Variants in CCDC141 observed in about 807,000 individuals in gnomAD.
CCDC141 encodes coiled-coil domain containing 141.
Under a neutral mutation model 181.0 loss-of-function variants are expected in CCDC141, and 168 were observed. The ratio of observed to expected loss-of-function variants is 0.93; its 90% CI spans 0.82 to 1.05. CCDC141 has a LOEUF of 1.05. CCDC141 is among the 50% of genes least tolerant of loss of function. The pLI, the probability that CCDC141 is intolerant of heterozygous loss-of-function variation, is 0.00. For missense variants in CCDC141, 1,902 were observed against 1,788.5 expected (o/e 1.06, Z -1.14); for synonymous variants, 666 against 642.3 (o/e 1.04, Z -0.56).
At chr2:179,005,318 A>AG (rs2042092597) in intron 2 of CCDC141, among the ~76,000 whole-genome samples, 1 of 151,886 alleles carries the variant, frequency 6.6e-6, no homozygotes, top group East Asian at 1.9e-4. Context: ...AGAATTTAAA[A>AG]AAAAAGGTTT....
chr2:178,989,042 A>T (rs1691898964), intron 2 of CCDC141, among the ~76,000 whole-genome samples: 1 of 152,204 alleles, frequency 6.6e-6, no homozygotes, highest in Non-Finnish European at 1.5e-5. Context: ...CTAAAACTAT[A>T]AAATTTTTAG....
intron 4 of CCDC141, among the ~76,000 whole-genome samples, chr2:178,970,720 C>T (rs1157852275): frequency 6.6e-6 from 1 of 152,184 alleles, no homozygotes; most frequent in Non-Finnish European, 1.5e-5. Context: ...GAAAAGACTT[C>T]ATGTCTAAAA....
chr2:178,861,116 T>A lies in CCDC141; in HGVS notation c.2724+4651A>T, dbSNP rs981328643. On this transcript the variant is annotated intron_variant, in intron 17 of 23. Transcript: ENST00000443758. ...TAGAGGAATGGCTGTGACTGTGAAG[T>A]CCCATGGGTTTTAATGCTATCTAGA... Among the ~76,000 whole-genome samples the A allele has an allele frequency of 2.0e-5, 3 of 151,972 alleles. No individual in the cohort carries two copies. The South Asian group carries it at 6.2e-4, about 32-fold the overall frequency.
chr2:178,850,632 A>G (rs1298616718), intron 20 of CCDC141, among the ~76,000 whole-genome samples: 1 of 151,736 alleles, frequency 6.6e-6, no homozygotes, highest in African/African-American at 2.4e-5. Context: ...GCAGCTGAGT[A>G]TTCCTTCCTC....
At chr2:178,989,572 T>G in intron 2 of CCDC141, among the ~76,000 whole-genome samples, 1 of 146,634 alleles carries the variant, frequency 6.8e-6, no homozygotes, top group African/African-American at 2.6e-5. Flanking sequence ...CCAGCCTGGG[T>G]GAGAGAGCAA....
rs1229495014 is a variant in CCDC141 at position 178,868,080 on chromosome 2, G to A, written c.2520C>T (p.Leu840=). The change falls in exon 16 of 24, where the codon CTC becomes CTT. Residue 840 remains leucine, a synonymous_variant. Transcript: ENST00000443758. ...SQEKQARVDH[L]HRLALSLGVD... ...CTCCTAAGGAAAGGGCCAGTCTGTG[G>A]AGATGGTCTACACGGGCTTGCTTTT... is the stretch of plus-strand genomic sequence containing the variant. 1 of 1,613,896 alleles carries A rather than the reference G, an allele frequency of 6.2e-7. No individual in the cohort carries two copies. Among genetic ancestry groups the A allele is most frequent in the African/African-American group, 1.3e-5 (1 of 74,904 alleles).
chr2:178,902,756 G>A (rs1426313136), intron 8 of CCDC141, among the ~76,000 whole-genome samples: 7 of 149,986 alleles, frequency 4.7e-5, no homozygotes, highest in Non-Finnish European at 1.0e-4. Flanking sequence ...ATTGACAAAT[G>A]GGATCTAATT....
At position 178,961,353 on chromosome 2, in the gene CCDC141, C is replaced by G; in HGVS notation, c.657G>C (p.Lys219Asn). 1 of 1,550,598 alleles carries G rather than the reference C, an allele frequency of 6.4e-7. No homozygotes were observed. Among genetic ancestry groups the G allele is most frequent in the Non-Finnish European group, 8.7e-7 (1 of 1,146,972 alleles). The change falls in exon 5 of 24, where the codon AAG becomes AAC. Residue 219 changes from lysine to asparagine, a missense_variant. Coordinates refer to ENST00000443758, the MANE Select transcript of CCDC141 (RefSeq NM_173648.4). ...LTQGAHSSCL[K>N]VDRLLELLQD... The stretch of plus-strand genomic sequence containing the variant: ...GTAGAAGTTCAAGAAGGCGGTCAAC[C>G]TTCAGACAGCTGCTATGAGCTCCCT...
At chr2:178,929,936 A>G (rs1689037243) in intron 6 of CCDC141, among the ~76,000 whole-genome samples, 1 of 152,148 alleles carries the variant, frequency 6.6e-6, no homozygotes, top group South Asian at 2.1e-4. Flanking sequence ...GTAGTTTGAG[A>G]AGCTCTGGTC....
intron 7 of CCDC141, among the ~76,000 whole-genome samples, chr2:178,917,209 T>C (rs1407567263): frequency 6.6e-6 from 1 of 152,224 alleles, no homozygotes; most frequent in African/African-American, 2.4e-5. Flanking sequence ...AGAATGAATA[T>C]GCAGTTTAAA....
rs777302023 is a variant in CCDC141, at chr2:178,836,955, C to T, written c.4264G>A (p.Glu1422Lys). The change falls in exon 23 of 24, where the codon GAA becomes AAA. Residue 1422 changes from glutamate to lysine, a missense_variant. By Grantham distance (56) the Glu-to-Lys change is moderately conservative (BLOSUM62 1). Coordinates refer to ENST00000443758, the MANE Select transcript of CCDC141 (RefSeq NM_173648.4). ...SRLLSNVTVM[E>K]GSPVTLEVEV... is the part of the protein sequence containing the mutation. ...ACTTCCAAAGTCACTGGAGAACCTTCCATGACAGTTACATTAGACAGGAGC... is the reference window on the plus strand; with the variant it reads ...ACTTCCAAAGTCACTGGAGAACCTTTCATGACAGTTACATTAGACAGGAGC... The T allele has an allele frequency of 6.2e-6, 10 of 1,613,864 alleles. No individual in the cohort carries two copies. The South Asian group carries it at 6.6e-5, about 11-fold the overall frequency.
rs569297287 is a variant in CCDC141 at position 178,913,683 on chromosome 2, GAA to G, written c.1092+5028_1092+5029del. Reference sequence around the variant, plus strand: ...CATTAATGTTTCAATAGCTATGGCAGAAACAACGGAAGCTATGACAATTGTTA... The same window carrying G: ...CATTAATGTTTCAATAGCTATGGCAGACAACGGAAGCTATGACAATTGTTA... On this transcript the variant is annotated intron_variant, in intron 7 of 23. Coordinates refer to ENST00000443758, the MANE Select transcript of CCDC141 (RefSeq NM_173648.4). Among the ~76,000 whole-genome samples the G allele has an allele frequency of 6.6e-5, 10 of 152,292 alleles. No homozygotes were observed. In the East Asian group the frequency reaches 1.9e-3, roughly 29 times the overall value.
intron 2 of CCDC141, among the ~76,000 whole-genome samples, chr2:179,045,882 G>A (rs144292074): frequency 6.7e-6 from 1 of 149,948 alleles, no homozygotes; most frequent in African/African-American, 2.5e-5. Flanking sequence ...CTTCTGCCTT[G>A]CAAGACAACC....
intron 20 of CCDC141, among the ~76,000 whole-genome samples, chr2:178,850,707 C>A (rs761775266): frequency 6.6e-6 from 1 of 152,232 alleles, no homozygotes; most frequent in Non-Finnish European, 1.5e-5. Context: ...TCTTTAAGGT[C>A]CACCTGAAAT....
chr2:178,963,175 G>A lies in CCDC141; in HGVS notation c.527-1692C>T, dbSNP rs977075783. Among the ~76,000 whole-genome samples the A allele has an allele frequency of 2.0e-5, 3 of 152,148 alleles. No homozygotes were observed. In the South Asian group the frequency reaches 6.2e-4, roughly 31 times the overall value. On this transcript the variant is annotated intron_variant, in intron 4 of 23. Coordinates refer to ENST00000443758, the MANE Select transcript of CCDC141 (RefSeq NM_173648.4). ...GAAATTGGGGGAGCTACAAATGTTA[G>A]AGATCAGAAGTTCCCCAGAGATGTA...
chr2:178,837,530 G>C lies in CCDC141; in HGVS notation c.3689C>G (p.Ser1230Cys), dbSNP rs1164133499. 6.2e-7 allele frequency: 1 copy of C among 1,614,018 alleles called. No homozygotes were observed. ...PGSPESPLAP[S>C]DMEVEEPVSS... is the part of the protein sequence containing the mutation. ...GACAGGCTCTTCCACCTCCATGTCA[G>C]ATGGTGCAAGAGGGGACTCAGGGCT... The change falls in exon 23 of 24, where the codon TCT becomes TGT. Residue 1230 changes from serine to cysteine, a missense_variant. Ser to Cys is a moderately radical substitution (Grantham distance 112). Coordinates refer to ENST00000443758, the MANE Select transcript of CCDC141 (RefSeq NM_173648.4).
chr2:178,864,147 A>G (rs1473518260), intron 17 of CCDC141, among the ~76,000 whole-genome samples: 1 of 152,190 alleles, frequency 6.6e-6, no homozygotes, highest in Non-Finnish European at 1.5e-5. Context: ...GAGCCCAACC[A>G]TCACTGCAAA....
intron 10 of CCDC141, 57 bp from the exon 11 acceptor site, chr2:178,885,149 G>T: frequency 8.3e-7 from 1 of 1,208,244 alleles, no homozygotes; most frequent in Non-Finnish European, 1.2e-6. Flanking sequence ...GAACATTCAC[G>T]TTTCATTATC....
chr2:178,837,852 G>GGT (rs1684555920), intron 22 of CCDC141, 108 bp from the exon 23 acceptor site: 1 of 1,306,404 alleles, frequency 7.7e-7, no homozygotes, highest in Non-Finnish European at 1.0e-6. Context: ...AACCTACAAG[G>GGT]TTAAAATTTA....
Sources: allele counts gnomAD v4.1 joint callset (sites outside exome capture counted in the v4.1 genomes callset), GRCh38; gene constraint gnomAD v4.1.1; transcripts MANE v1.5; gene names NCBI Gene and HGNC (gene_info 2026-07-23, HGNC 2026-07-21).